The following LAMA5 variants were observed in gnomAD, a reference collection of about 807,000 sequenced individuals.
LAMA5 encodes laminin subunit alpha 5.
A neutral mutation model predicts 433.4 loss-of-function variants in LAMA5; 260 were observed. The ratio of observed to expected loss-of-function variants is 0.60; its 90% CI spans 0.54 to 0.66. LAMA5 has a LOEUF of 0.66. Ranked by LOEUF, LAMA5 falls within the 30% of genes least tolerant of loss-of-function variation. The probability of loss-of-function intolerance (pLI) is 0.00; values close to 1 mark genes in which losing one functional copy is unlikely to be tolerated. For synonymous variants in LAMA5, 2,620 were observed against 2,226.6 expected, an observed-to-expected ratio of 1.18 and a Z score of -4.97; for missense variants, 5,378 against 5,258.5, an observed-to-expected ratio of 1.02 and a Z score of -0.70.
rs746331424 is a variant in LAMA5, at chr20:62,309,387, G to T, written c.11037C>A (p.Arg3679=). The T allele has an allele frequency of 6.3e-7, 1 of 1,589,118 alleles. No individual in the cohort carries two copies. Among genetic ancestry groups the T allele is most frequent in the South Asian group, 1.1e-5 (1 of 88,704 alleles). The change falls in exon 80 of 80, where the codon CGC becomes CGA. Residue 3679 remains arginine, a synonymous_variant. Transcript: ENST00000252999. The part of the protein sequence containing the change: ...AVNRSPVAMT[R]SVEVHGAVGA... ...CCACTGCCCCGTGGACCTCCACAGA[G>T]CGAGTCATGGCGACGGGGGACCGGT...
At chr20:62,321,473 G>T (rs1361024117) in intron 48 of LAMA5, among the ~76,000 whole-genome samples, 3 of 15,294 alleles carry the variant, frequency 2.0e-4, no homozygotes, top group Non-Finnish European at 3.3e-4. Context: ...GAGGGGTGGG[G>T]TCAGTGGAGG....
chr20:62,362,879 G>C (rs74621976), intron 1 of LAMA5, among the ~76,000 whole-genome samples: 3 of 149,364 alleles, frequency 2.0e-5, no homozygotes, highest in African/African-American at 7.5e-5. Flanking sequence ...AAGGGGGGGG[G>C]TGTGCTCTAG....
At chr20:62,315,340 G>C (rs535124853) in intron 58 of LAMA5, 133 bp from the exon 59 acceptor site, 6 of 724,848 alleles carry the variant, frequency 8.3e-6, no homozygotes, top group Non-Finnish European at 1.3e-5. Context: ...CTCACACCCC[G>C]CTGCTCAGTG....
At chr20:62,342,352 T>A in intron 11 of LAMA5, 1 of 329,592 alleles carries the variant, frequency 3.0e-6, no homozygotes, top group Non-Finnish European at 5.9e-6. Flanking sequence ...ACAGAATACA[T>A]TAAAACCTTA....
At chr20:62,342,813 T>G (rs577993749) in intron 11 of LAMA5, among the ~76,000 whole-genome samples, 2 of 152,288 alleles carry the variant, frequency 1.3e-5, no homozygotes, top group South Asian at 2.1e-4. Context: ...CATAAAAAAG[T>G]GTGGATGATT....
intron 16 of LAMA5, among the ~76,000 whole-genome samples, chr20:62,337,240 C>G (rs1229957154): frequency 6.6e-6 from 1 of 152,218 alleles, no homozygotes; most frequent in Non-Finnish European, 1.5e-5. Flanking sequence ...CGACACGCAA[C>G]ACATGCACCC....
intron 28 of LAMA5, 143 bp from the exon 29 acceptor site, chr20:62,331,272 G>A (rs1409986611): frequency 3.0e-5 from 1 of 33,098 alleles, no homozygotes; most frequent in African/African-American, 1.0e-4. Flanking sequence ...GATGGGGGGG[G>A]TGCAGGCGGT....
chr20:62,319,835 C>G (rs374735129), intron 50 of LAMA5, 40 bp from the exon 51 acceptor site: 2 of 1,492,106 alleles, frequency 1.3e-6, no homozygotes, highest in Non-Finnish European at 9.1e-7. Flanking sequence ...TGCTGGTAGG[C>G]GAGGGTCGGG....
Position 62,312,307 on chromosome 20 carries a change from C to A in LAMA5, c.9370G>T (p.Ala3124Ser), listed in dbSNP as rs377731667. ...AAGCCGTGGCCATGGAAAGTCATGG[C>A]GCGCCCCACCTGCGGGGAGGCCATC... ...GCTADLLVGR[A>S]MTFHGHGFLR... Residue 3124 changes from alanine (A) to serine (S), a missense_variant, in exon 69 of 80, where the codon GCC (alanine) becomes TCC (serine). By Grantham distance (99) the Ala-to-Ser change is moderately conservative. Coordinates refer to ENST00000252999, the MANE Select transcript of LAMA5 (RefSeq NM_005560.6). 6.2e-7 allele frequency: 1 copy of A among 1,609,468 alleles called. No individual in the cohort carries two copies. Among genetic ancestry groups the A allele is most frequent in the South Asian group, 1.1e-5 (1 of 90,796 alleles).
At chr20:62,331,789 T>C (rs954993744) in intron 28 of LAMA5, among the ~76,000 whole-genome samples, 2 of 152,224 alleles carry the variant, frequency 1.3e-5, no homozygotes, top group African/African-American at 4.8e-5. Flanking sequence ...TGGTGGCTCC[T>C]GTCTGTAATC....
rs768844879 is a variant in LAMA5, at chr20:62,316,790, A to G, written c.7654-17T>C. The G allele has an allele frequency of 1.9e-5, 31 of 1,590,026 alleles. No homozygotes were observed. The highest frequency in any genetic ancestry group is 2.5e-5 in the Non-Finnish European group (29 of 1,167,484). On this transcript the variant is annotated splice_polypyrimidine_tract_variant and intron_variant, in intron 56 of 79. Coordinates refer to ENST00000252999, the MANE Select transcript of LAMA5 (RefSeq NM_005560.6). ...CACCACCGTCTGTGGATGCCAGGGC[A>G]GACCGTGGCTCAGACACGCAGGCCG...
rs1284202013 is a variant in LAMA5, at chr20:62,316,018, A to G, written c.7797T>C (p.Asp2599=). ...ALQGARTQLR[D]VRAKKDQLEA... is the part of the protein sequence containing the mutation. ...CCAGCTGGTCCTTCTTGGCCCGGAC[A>G]TCTCGGAGCTGGGTCCTGGCACCCT... is the stretch of plus-strand genomic sequence containing the variant. Residue 2599 remains aspartate, a synonymous_variant, in exon 58 of 80, where the codon GAT becomes GAC. Coordinates refer to ENST00000252999, the MANE Select transcript of LAMA5 (RefSeq NM_005560.6). 1 of 1,609,970 alleles carries G rather than the reference A, an allele frequency of 6.2e-7. No homozygotes were observed. The highest frequency in any genetic ancestry group is 8.5e-7 in the Non-Finnish European group (1 of 1,179,584).
At chr20:62,361,091 G>A (rs1427633213) in intron 2 of LAMA5, among the ~76,000 whole-genome samples, 4 of 152,112 alleles carry the variant, frequency 2.6e-5, no homozygotes, top group South Asian at 2.1e-4. Flanking sequence ...CCAGCTTCCC[G>A]CCCCGAGCAG....
chr20:62,319,182 C>G (rs920981608), intron 51 of LAMA5, 169 bp from the exon 52 acceptor site: 1 of 634,926 alleles, frequency 1.6e-6, no homozygotes, highest in South Asian at 2.0e-5. Flanking sequence ...CCACAGCTGC[C>G]TCACCTGCCC....
In LAMA5 at chr20:62,312,127, G is replaced by A. The variant is rs201047610; in HGVS notation, c.9504+46C>T. The A allele has an allele frequency of 2.4e-5, 39 of 1,609,308 alleles. No homozygotes were observed. The East Asian group carries it at 5.6e-4, about 23-fold the overall frequency. Reference sequence around the variant, plus strand: ...CAGACACCCCAGTCCCAACTGCTCCGACGGCCACCGCGGGGTGGGGAATGG... The same window carrying A: ...CAGACACCCCAGTCCCAACTGCTCCAACGGCCACCGCGGGGTGGGGAATGG... On this transcript the variant is annotated intron_variant, in intron 69 of 79. Transcript: ENST00000252999.
chr20:62,336,754 C>T lies in LAMA5; in HGVS notation c.2197G>A (p.Val733Met). Residue 733 changes from valine (V) to methionine (M), a missense_variant, in exon 17 of 80, where the codon GTG (valine) becomes ATG (methionine). Transcript: ENST00000252999. ...GSCHPAGLAP[V>M]DPALPEAQVP... The stretch of plus-strand genomic sequence containing the variant: ...CTCACCTCAGGAAGGGCAGGATCCA[C>T]TGGGGCCAGACCGGCAGGGTGGCAA... 6.2e-7 allele frequency: 1 copy of T among 1,613,122 alleles called. No homozygotes were observed. The highest frequency in any genetic ancestry group is 8.5e-7 in the Non-Finnish European group (1 of 1,180,004).
chr20:62,329,692 G>A, intron 32 of LAMA5, 85 bp downstream of exon 32: 2 of 1,530,414 alleles, frequency 1.3e-6, no homozygotes, highest in South Asian at 2.4e-5. Context: ...GCCCAGAAGA[G>A]ACAGACCCAG....
In LAMA5 at chr20:62,309,200, A is replaced by T; in HGVS notation, c.*136T>A. ...ATTTTATTCTTTCGTTTAAGAAGCT[A>T]TAACTTAAACCATCTTCAGAAACAA... On this transcript the variant is annotated 3_prime_UTR_variant, in exon 80 of 80. Transcript: ENST00000252999. The T allele has an allele frequency of 1.1e-6, 1 of 884,530 alleles. No individual in the cohort carries two copies. Among genetic ancestry groups the T allele is most frequent in the Non-Finnish European group, 1.6e-6 (1 of 609,924 alleles). 54.8% of individuals were successfully genotyped at this position (884,530 alleles called of 1,614,324 possible). A position where few individuals can be genotyped will look rare whatever the true frequency, so the allele number is the denominator to read the frequency against.
chr20:62,334,466 C>T (rs908538131), intron 21 of LAMA5, 56 bp downstream of exon 21: 15 of 1,519,156 alleles, frequency 9.9e-6, no homozygotes, highest in East Asian at 7.4e-5. Context: ...CGGAGAGGCC[C>T]GGAGGACAAG....
Sources: allele counts gnomAD v4.1 joint callset (sites outside exome capture counted in the v4.1 genomes callset), GRCh38; gene constraint gnomAD v4.1.1; transcripts MANE v1.5; gene names NCBI Gene and HGNC (gene_info 2026-07-23, HGNC 2026-07-21).